Variants in SRCIN1 observed in about 807,000 individuals in gnomAD.
SRCIN1 encodes SRC kinase signaling inhibitor 1.
Under a neutral mutation model 116.2 loss-of-function variants are expected in SRCIN1, and 50 were observed. The ratio of observed to expected loss-of-function variants is 0.43; its 90% CI spans 0.34 to 0.54. The LOEUF (loss-of-function observed/expected upper bound fraction) is 0.54, where lower values mean the gene tolerates loss of function less well. Among genes scored for constraint, SRCIN1 ranks in the 20% least tolerant of loss-of-function variants. The pLI is 0.02. For synonymous variants in SRCIN1, 736 were observed against 750.0 expected, an observed-to-expected ratio of 0.98 and a Z score of 0.30; for missense variants, 1,446 against 1,672.0, an observed-to-expected ratio of 0.86 and a Z score of 2.36.
chr17:38,584,815 G>C (rs996691822), intron 1 of SRCIN1, among the ~76,000 whole-genome samples: 1 of 152,156 alleles, frequency 6.6e-6, no homozygotes, highest in Non-Finnish European at 1.5e-5. Flanking sequence ...ATTCACACAT[G>C]ATGTCATCTG....
chr17:38,559,372 TTG>T, intron 10 of SRCIN1: 1 of 585,684 alleles, frequency 1.7e-6, no homozygotes, highest in Non-Finnish European at 3.0e-6. Flanking sequence ...GGATAAGGCC[TTG>T]GTGAGGAAGT....
rs1425611882 is a variant in SRCIN1, at chr17:38,561,945, G to A, written c.1218C>T (p.Gly406=). The A allele has an allele frequency of 1.4e-6, 2 of 1,465,490 alleles. No individual in the cohort carries two copies. The highest frequency in any genetic ancestry group is 2.3e-4 in the Middle Eastern group (1 of 4,306). 90.8% of individuals were successfully genotyped at this position (1,465,490 alleles called of 1,614,324 possible). A position where few individuals can be genotyped will look rare whatever the true frequency, so the allele number is the denominator to read the frequency against. The change falls in exon 7 of 19, where the codon GGC becomes GGT. Residue 406 remains glycine (G), a synonymous_variant. Transcript: ENST00000617146. Reference sequence around the variant, plus strand: ...CGGCGGCCGCGGCCAGGCTCAGACGGCCCTCGTGCAGCAGCCCGTAGGGGT... The same window carrying A: ...CGGCGGCCGCGGCCAGGCTCAGACGACCCTCGTGCAGCAGCCCGTAGGGGT... The part of the protein sequence containing the change: ...YADPYGLLHE[G]RLSLAAAAGD...
At position 38,563,192 on chromosome 17, in the gene SRCIN1, G is replaced by A. The variant is rs1391180819; in HGVS notation, c.740+131C>T. ...GGCCGAGGAAGGGGGCGGGGCGGTA[G>A]GGCTCTGGGAGGGGAGGGGAAAGGC... On this transcript the variant is annotated intron_variant, in intron 5 of 18. Transcript: ENST00000617146. This position sits in a 1 kb window ranked among gnomAD's most constrained non-coding sequence, Gnocchi z 5.8. The A allele has an allele frequency of 4.8e-6, 5 of 1,040,818 alleles. No individual in the cohort carries two copies. Among genetic ancestry groups the A allele is most frequent in the Non-Finnish European group, 6.9e-6 (5 of 720,058 alleles). The allele number at this position is 1,040,818 out of a possible 1,614,324, so 64.5% of individuals were successfully genotyped here.
rs1906835399 is a variant in SRCIN1 at position 38,568,066 on chromosome 17, C to G, written c.345+145G>C. ...GACTCTCCCAAAGCAGCAGCCACAGCCTGCAGCCCCGAGGCCCACCGCCCA... is the reference window on the plus strand; with the variant it reads ...GACTCTCCCAAAGCAGCAGCCACAGGCTGCAGCCCCGAGGCCCACCGCCCA... On this transcript the variant is annotated intron_variant, in intron 3 of 18. Coordinates refer to ENST00000617146, the MANE Select transcript of SRCIN1 (RefSeq NM_025248.3). The surrounding 1 kb of genome is among the most constrained non-coding windows in gnomAD (Gnocchi z 4.5). 4 of 991,468 alleles carry G rather than the reference C, an allele frequency of 4.0e-6. No homozygotes were observed. The highest frequency in any genetic ancestry group is 6.2e-6 in the Non-Finnish European group (4 of 646,064). The allele number at this position is 991,468 out of a possible 1,614,324, so 61.4% of individuals were successfully genotyped here.
At chr17:38,555,970 C>T (rs1414937307) in intron 11 of SRCIN1, among the ~76,000 whole-genome samples, 3 of 152,218 alleles carry the variant, frequency 2.0e-5, no homozygotes, top group Admixed American at 2.0e-4. Flanking sequence ...CTAGGCCTCC[C>T]TAAGCTCAAT....
chr17:38,561,912 CG>C lies in SRCIN1; in HGVS notation c.1250del (p.Pro417ArgfsTer270). 1 of 1,349,010 alleles carries C rather than the reference CG, an allele frequency of 7.4e-7. No homozygotes were observed. Among genetic ancestry groups the C allele is most frequent in the Non-Finnish European group, 9.5e-7 (1 of 1,056,896 alleles). The allele number at this position is 1,349,010 out of a possible 1,614,324, so 83.6% of individuals were successfully genotyped here. A position where few individuals can be genotyped will look rare whatever the true frequency, so the allele number is the denominator to read the frequency against. ...GGCCGCCGGCGCCCGGGTAGGCGAACGGGTCGCCGGCGGCCGCGGCCAGGCT... is the reference window on the plus strand; with the variant it reads ...GGCCGCCGGCGCCCGGGTAGGCGAACGGTCGCCGGCGGCCGCGGCCAGGCT... ...RLSLAAAAGD[P>X]FAYPGAGGLY... On this transcript the variant is annotated frameshift_variant, in exon 7 of 19. Coordinates refer to ENST00000617146, the MANE Select transcript of SRCIN1 (RefSeq NM_025248.3). LOFTEE classifies it high-confidence loss of function.
chr17:38,561,372 A>AG, intron 7 of SRCIN1, 91 bp downstream of exon 7: 9 of 1,366,888 alleles, frequency 6.6e-6, no homozygotes, highest in Non-Finnish European at 8.6e-6. Context: ...ATCTCAGTCC[A>AG]GGACACACAC....
chr17:38,603,497 G>A (rs2143480334), intron 1 of SRCIN1, among the ~76,000 whole-genome samples: 1 of 152,276 alleles, frequency 6.6e-6, no homozygotes, highest in African/African-American at 2.4e-5. Flanking sequence ...GCCTCTTCCA[G>A]ATAGAGCTCC....
rs1905395555 is a variant in SRCIN1, at chr17:38,551,356, C to T, written c.2761G>A (p.Ala921Thr). The change falls in exon 15 of 19, where the codon GCC (alanine) becomes ACC (threonine). Residue 921 changes from alanine to threonine, a missense_variant. Around this residue, in one of 5 missense-constraint regions of SRCIN1, gnomAD observed 531 missense variants for 633.9 expected, o/e 0.84. Coordinates refer to ENST00000617146, the MANE Select transcript of SRCIN1 (RefSeq NM_025248.3). ...AERDWEEKRA[A>T]LTQYSAKDIN... ...TCCTTGGCACTGTACTGGGTCAGGG[C>T]TGCCCGCTTCTCCTCCCAGTCTCGC... The T allele has an allele frequency of 6.2e-7, 1 of 1,613,174 alleles. No homozygotes were observed. The highest frequency in any genetic ancestry group is 1.7e-5 in the Admixed American group (1 of 59,930).
At position 38,563,589 on chromosome 17, in the gene SRCIN1, G is replaced by A. The variant is rs1029582491; in HGVS notation, c.542-68C>T. 3.3e-6 allele frequency: 5 copies of A among 1,524,458 alleles called. No homozygotes were observed. The highest frequency in any genetic ancestry group is 4.4e-6 in the Non-Finnish European group (5 of 1,135,716). 94.4% of individuals were successfully genotyped at this position (1,524,458 alleles called of 1,614,324 possible). ...CACGCCGCCCTCCAGGAGAGCGCGGGGAGCTTTTCGGAGCTGCGCCAGCCC... is the reference window on the plus strand; with the variant it reads ...CACGCCGCCCTCCAGGAGAGCGCGGAGAGCTTTTCGGAGCTGCGCCAGCCC... On this transcript the variant is annotated intron_variant, in intron 4 of 18. Coordinates refer to ENST00000617146, the MANE Select transcript of SRCIN1 (RefSeq NM_025248.3). This position sits in a 1 kb window ranked among gnomAD's most constrained non-coding sequence, Gnocchi z 5.8.
intron 1 of SRCIN1, among the ~76,000 whole-genome samples, chr17:38,579,212 C>T (rs1907631880): frequency 6.6e-6 from 1 of 152,196 alleles, no homozygotes; most frequent in African/African-American, 2.4e-5. Flanking sequence ...TTTTTAGATG[C>T]TCCCTAAAAG....
chr17:38,560,542 A>C (rs1906165117), intron 7 of SRCIN1, 117 bp from the exon 8 acceptor site: 1 of 819,268 alleles, frequency 1.2e-6, no homozygotes, highest in African/African-American at 1.7e-5. Flanking sequence ...TGGCTGCCAA[A>C]ACACAGACAA....
chr17:38,539,056 G>A (rs998616292), intron 18 of SRCIN1, among the ~76,000 whole-genome samples: 19 of 152,188 alleles, frequency 1.2e-4, no homozygotes, highest in Non-Finnish European at 2.9e-5. Context: ...TGCTTTGGCT[G>A]TTTCCACCTG....
rs183788726 is a variant in SRCIN1 at position 38,549,119 on chromosome 17, G to T, written c.3054C>A (p.Gly1018=). The T allele has an allele frequency of 6.2e-7, 1 of 1,608,660 alleles. No individual in the cohort carries two copies. Residue 1018 remains glycine, a synonymous_variant, in exon 16 of 19, where the codon GGC becomes GGA. Transcript: ENST00000617146. ...PPRRSFPSSH[G]LTTTRTGEVV... ...CCTCTCCGGTACGTGTGGTGGTCAG[G>T]CCATGGGAGGAGGGGAAGCTCCGGC... is the stretch of plus-strand genomic sequence containing the variant.
intron 1 of SRCIN1, 110 bp from the exon 2 acceptor site, chr17:38,578,901 T>TGGAGA (rs1415601371): frequency 7.9e-7 from 1 of 1,264,278 alleles, no homozygotes; most frequent in Admixed American, 3.0e-5. Context: ...CTAAGGAGAG[T>TGGAGA]GGAGAGGCGC....
intron 7 of SRCIN1, among the ~76,000 whole-genome samples, chr17:38,561,028 C>T (rs531404138): frequency 6.6e-6 from 1 of 152,240 alleles, no homozygotes; most frequent in Non-Finnish European, 1.5e-5. Context: ...GAATGTGCTC[C>T]TTTCCTCGTC....
Position 38,551,184 on chromosome 17 carries a change from CG to C in SRCIN1, c.2932del (p.Arg978GlufsTer13). On this transcript the variant is annotated frameshift_variant, in exon 15 of 19. Transcript: ENST00000617146. LOFTEE classifies it high-confidence loss of function. ...GCCCCTCCTCCCACTGGGCTCCGTT[CG>C]GGGGGCTGCCTTCTGGCCGTGGGGG... is the stretch of plus-strand genomic sequence containing the variant. ...KAPHGQKAAPRTEPSGRRGSD... is the reference protein window; with the variant it reads ...KAPHGQKAAPXTEPSGRRGSD... 4 of 1,580,986 alleles carry C rather than the reference CG, an allele frequency of 2.5e-6. No individual in the cohort carries two copies. The highest frequency in any genetic ancestry group is 2.6e-6 in the Non-Finnish European group (3 of 1,158,896).
intron 17 of SRCIN1, chr17:38,546,485 G>C (rs74804025): frequency 0.079 from 12,102 of 152,424 alleles, 502 homozygotes; most frequent in African/African-American, 0.098. Context: ...TGCTGACTGG[G>C]AAGGCAGAGA....
chr17:38,570,395 C>T (rs1462137976), intron 2 of SRCIN1, among the ~76,000 whole-genome samples: 1 of 152,186 alleles, frequency 6.6e-6, no homozygotes, highest in Non-Finnish European at 1.5e-5. Flanking sequence ...AACAGAGACA[C>T]GGGTGCCCAC....
Sources: allele counts gnomAD v4.1 joint callset (sites outside exome capture counted in the v4.1 genomes callset), GRCh38; gene constraint gnomAD v4.1.1; regional missense constraint gnomAD v4.1.1; non-coding constraint Gnocchi (gnomAD v3.1); transcripts MANE v1.5; gene names NCBI Gene and HGNC (gene_info 2026-07-23, HGNC 2026-07-21).